Variants in FADS6 observed in about 807,000 individuals in gnomAD.
FADS6 encodes the protein fatty acid desaturase 6.
In FADS6, 28 loss-of-function variants were observed where a neutral mutation model predicts 31.7. The ratio of observed to expected loss-of-function variants is 0.88; its 90% CI spans 0.66 to 1.21. The LOEUF (loss-of-function observed/expected upper bound fraction) is 1.21. Among genes scored for constraint, FADS6 ranks in the 50% most tolerant of loss-of-function variants. FADS6 has a pLI of 0.00. For missense variants in FADS6, 494 were observed against 504.2 expected (o/e 0.98, Z 0.19); for synonymous variants, 191 against 213.1 (o/e 0.90, Z 0.90).
intron 5 of FADS6, 116 bp from the exon 6 acceptor site, chr17:74,878,593 C>G: frequency 7.8e-7 from 1 of 1,286,870 alleles, no homozygotes; most frequent in Non-Finnish European, 1.1e-6. Flanking sequence ...CGGCCTTGTT[C>G]CAAGATTCTC....
chr17:74,878,511 C>T, intron 5 of FADS6, 34 bp from the exon 6 acceptor site: 1 of 1,609,420 alleles, frequency 6.2e-7, no homozygotes, highest in East Asian at 2.2e-5. Context: ...GGCCTATGAG[C>T]AGGGGCTGTG....
rs2038525151 is a variant in FADS6, at chr17:74,878,054, C to G, written c.*277G>C. ...AGATGGAGCAGGGGGAAGGACCCAG[C>G]TCTTTAGTCCTGAGATGAAGTTGCT... is the stretch of plus-strand genomic sequence containing the variant. On this transcript the variant is annotated 3_prime_UTR_variant, in exon 6 of 6. Coordinates refer to ENST00000612771, the MANE Select transcript of FADS6 (RefSeq NM_178128.6). 1 of 1,229,254 alleles carries G rather than the reference C, an allele frequency of 8.1e-7. No individual in the cohort carries two copies. Among genetic ancestry groups the G allele is most frequent in the Non-Finnish European group, 1.0e-6 (1 of 980,672 alleles). 76.1% of individuals were successfully genotyped at this position (1,229,254 alleles called of 1,614,324 possible). A position where few individuals can be genotyped will look rare whatever the true frequency, so the allele number is the denominator to read the frequency against.
intron 2 of FADS6, among the ~76,000 whole-genome samples, chr17:74,890,529 C>G (rs113012639): frequency 6.6e-6 from 1 of 152,176 alleles, no homozygotes; most frequent in African/African-American, 2.4e-5. Context: ...AAGCGGGAGC[C>G]AAGCCTTTCC....
intron 2 of FADS6, among the ~76,000 whole-genome samples, chr17:74,885,563 C>T (rs926794926): frequency 1.3e-5 from 2 of 152,080 alleles, no homozygotes; most frequent in Non-Finnish European, 2.9e-5. Context: ...CAACGCTGCC[C>T]CTCTGACGAC....
chr17:74,890,946 G>T (rs1234061005), intron 2 of FADS6, among the ~76,000 whole-genome samples: 1 of 152,056 alleles, frequency 6.6e-6, no homozygotes, highest in Non-Finnish European at 1.5e-5. Context: ...TCTCCAGCAA[G>T]CCTGGGCCTC....
intron 3 of FADS6, among the ~76,000 whole-genome samples, chr17:74,881,567 C>T (rs1598555417): frequency 6.6e-6 from 1 of 151,944 alleles, no homozygotes; most frequent in Non-Finnish European, 1.5e-5. Context: ...GGCGTCGTGG[C>T]GCACACCTGT....
chr17:74,890,269 G>C (rs1346970615), intron 2 of FADS6, among the ~76,000 whole-genome samples: 1 of 152,136 alleles, frequency 6.6e-6, no homozygotes, highest in African/African-American at 2.4e-5. Flanking sequence ...GCCACCCTGT[G>C]TGGCAGACAA....
chr17:74,891,410 T>C (rs511645), intron 2 of FADS6, among the ~76,000 whole-genome samples: 15,175 of 152,076 alleles, frequency 0.1, 1,232 homozygotes, highest in African/African-American at 0.22. Context: ...ACACAGTCCA[T>C]GTCACCAGCA....
In FADS6 at chr17:74,893,416, G is replaced by A. The variant is rs767408956; in HGVS notation, c.180C>T (p.Ser60=). The part of the protein sequence containing the change: ...VLVQDVVRTS[S]WWERHGVDCA... ...AGTCCACGCCGTGGCGCTCCCACCA[G>A]GAGCTCGTCCTCACCACGTCCTGCA... Residue 60 remains serine (S), a synonymous_variant, in exon 1 of 6, where the codon TCC becomes TCT. Coordinates refer to ENST00000612771, the MANE Select transcript of FADS6 (RefSeq NM_178128.6). 1.9e-6 allele frequency: 3 copies of A among 1,560,560 alleles called. No individual in the cohort carries two copies. Among genetic ancestry groups the A allele is most frequent in the Admixed American group, 1.9e-5 (1 of 52,774 alleles).
At chr17:74,883,591 C>T (rs2038595844) in intron 2 of FADS6, among the ~76,000 whole-genome samples, 1 of 152,316 alleles carries the variant, frequency 6.6e-6, no homozygotes, top group East Asian at 1.9e-4. Context: ...TTCCTGAGGG[C>T]GGTGGCGGAT....
intron 1 of FADS6, 40 bp from the exon 2 acceptor site, chr17:74,892,729 T>C: frequency 1.3e-6 from 2 of 1,553,766 alleles, no homozygotes; most frequent in Non-Finnish European, 1.7e-6. Context: ...TTTCTCTAGC[T>C]CTGGGTGATC....
chr17:74,887,988 G>A (rs1020536772), intron 2 of FADS6, among the ~76,000 whole-genome samples: 26 of 151,984 alleles, frequency 1.7e-4, no homozygotes, highest in African/African-American at 6.3e-4. Flanking sequence ...GCCCAGCCAG[G>A]GTTTTTTATT....
At chr17:74,889,136 C>G (rs547413020) in intron 2 of FADS6, among the ~76,000 whole-genome samples, 2 of 152,194 alleles carry the variant, frequency 1.3e-5, no homozygotes, top group Non-Finnish European at 1.5e-5. Context: ...TGCCCCTCCC[C>G]CAGATCCAAT....
At chr17:74,893,276 C>T in intron 1 of FADS6, 76 bp downstream of exon 1, 2 of 1,418,906 alleles carry the variant, frequency 1.4e-6, no homozygotes, top group Middle Eastern at 2.5e-4. Flanking sequence ...CTGTTGCAGA[C>T]CCCGCGCCGC....
intron 2 of FADS6, 41 bp from the exon 3 acceptor site, chr17:74,882,751 G>C (rs1482323226): frequency 6.3e-7 from 1 of 1,581,396 alleles, no homozygotes; most frequent in Admixed American, 1.8e-5. Context: ...GTCCCTGTCA[G>C]GCACAGTTGA....
chr17:74,877,570 C>T lies in FADS6; in HGVS notation c.*761G>A, dbSNP rs963540904. ...GGGTGGTCTCGAGCTCCTGATCTCGCGATCCACCCGCCTTGGCCTCCCAAA... is the reference window on the plus strand; with the variant it reads ...GGGTGGTCTCGAGCTCCTGATCTCGTGATCCACCCGCCTTGGCCTCCCAAA... On this transcript the variant is annotated 3_prime_UTR_variant, in exon 6 of 6. Transcript: ENST00000612771. The T allele has an allele frequency of 1.4e-5, 7 of 490,608 alleles. No homozygotes were observed. Among genetic ancestry groups the T allele is most frequent in the Admixed American group, 6.4e-5 (1 of 15,666 alleles). The allele number at this position is 490,608 out of a possible 1,614,324, so 30.4% of individuals were successfully genotyped here.
intron 2 of FADS6, among the ~76,000 whole-genome samples, chr17:74,884,905 C>T (rs923063731): frequency 1.3e-5 from 2 of 152,070 alleles, no homozygotes; most frequent in African/African-American, 2.4e-5. Flanking sequence ...GACGGAGTTT[C>T]GCCACGTTGG....
intron 2 of FADS6, among the ~76,000 whole-genome samples, chr17:74,889,718 A>C (rs1160269499): frequency 6.6e-6 from 1 of 151,772 alleles, no homozygotes; most frequent in Non-Finnish European, 1.5e-5. Context: ...TACAAAAAAA[A>C]AAATTAGCTG....
At chr17:74,893,295 C>T (rs1362744625) in intron 1 of FADS6, 57 bp downstream of exon 1, 33 of 1,458,432 alleles carry the variant, frequency 2.3e-5, no homozygotes, top group Non-Finnish European at 2.0e-5. Flanking sequence ...GCCACCTCCG[C>T]CGCACCCCGC....
Sources: gnomAD v4.1 joint callset for allele counts (sites outside exome capture counted in the v4.1 genomes callset) on GRCh38, gnomAD v4.1.1 for gene constraint, MANE v1.5 for transcripts, NCBI Gene and HGNC (gene_info 2026-07-23, HGNC 2026-07-21) for gene names.